Variants in CSMD1 observed in about 807,000 individuals in gnomAD.
CSMD1 encodes the protein CUB and sushi domain-containing protein 1.
A neutral mutation model predicts 417.5 loss-of-function variants in CSMD1; 213 were observed. That is an observed-to-expected ratio of 0.51 (90% confidence interval 0.46 to 0.57). The LOEUF (loss-of-function observed/expected upper bound fraction) is 0.57. Ranked by LOEUF, CSMD1 falls within the 20% of genes least tolerant of loss-of-function variation. CSMD1 has a pLI of 0.00. For missense variants in CSMD1, 6,923 were observed against 4,529.7 expected, an observed-to-expected ratio of 1.53 and a Z score of -15.17; for synonymous variants, 2,862 against 1,736.8, an observed-to-expected ratio of 1.65 and a Z score of -16.11.
At chr8:3,304,418 C>T (rs533992874) in intron 25 of CSMD1, among the ~76,000 whole-genome samples, 9 of 152,114 alleles carry the variant, frequency 5.9e-5, no homozygotes, top group Non-Finnish European at 8.8e-5. Context: ...ATATTATGTA[C>T]TTCTAATTAT....
intron 3 of CSMD1, among the ~76,000 whole-genome samples, chr8:4,336,427 C>G (rs1800176341): frequency 6.6e-6 from 1 of 152,120 alleles, no homozygotes; most frequent in Non-Finnish European, 1.5e-5. Flanking sequence ...CCTAAGGCCC[C>G]CGGTCAGTTA....
intron 1 of CSMD1, among the ~76,000 whole-genome samples, chr8:4,696,979 C>T (rs1262050331): frequency 6.6e-6 from 1 of 152,096 alleles, no homozygotes; most frequent in Non-Finnish European, 1.5e-5. Context: ...CAAGACCAGC[C>T]TGACGAACAT....
intron 2 of CSMD1, among the ~76,000 whole-genome samples, chr8:4,543,020 G>A (rs1797469458): frequency 1.3e-5 from 2 of 152,108 alleles, no homozygotes; most frequent in South Asian, 4.2e-4. Context: ...GTAGGTTTAA[G>A]GTGATGGTAA....
chr8:3,336,567 T>C (rs1025080245), intron 23 of CSMD1, among the ~76,000 whole-genome samples: 1 of 152,194 alleles, frequency 6.6e-6, no homozygotes, highest in African/African-American at 2.4e-5. Flanking sequence ...AGTAAGGAAC[T>C]AGAGGAAAGA....
intron 3 of CSMD1, among the ~76,000 whole-genome samples, chr8:4,234,028 G>A (rs1035890574): frequency 2.6e-4 from 40 of 152,106 alleles, no homozygotes; most frequent in Non-Finnish European, 5.6e-4. Context: ...ATCTGGTTAA[G>A]AGTCTACCAT....
intron 2 of CSMD1, among the ~76,000 whole-genome samples, chr8:4,628,211 G>A (rs946835826): frequency 1.3e-5 from 2 of 151,000 alleles, no homozygotes; most frequent in Non-Finnish European, 2.9e-5. Flanking sequence ...ACATTTTCTT[G>A]TAGTTCTAAA....
At chr8:4,433,827 T>G (rs1409217258) in intron 2 of CSMD1, among the ~76,000 whole-genome samples, 4 of 148,638 alleles carry the variant, frequency 2.7e-5, no homozygotes, top group Middle Eastern at 3.4e-3. Context: ...TTAATGAATC[T>G]GGAAAAAAAG....
chr8:4,867,667 G>C (rs2036539081), intron 1 of CSMD1, among the ~76,000 whole-genome samples: 1 of 152,062 alleles, frequency 6.6e-6, no homozygotes, highest in African/African-American at 2.4e-5. Context: ...TGATGGTGCT[G>C]AGAAAAGTTA....
chr8:4,295,064 AAGATTACACACATATAATC>A (rs1797584613), intron 3 of CSMD1, among the ~76,000 whole-genome samples: 1 of 93,098 alleles, frequency 1.1e-5, no homozygotes, highest in Non-Finnish European at 2.5e-5. Flanking sequence ...ATATAATCTT[AAGATTACACACATATAATC>A]TTAAGATTAC....
chr8:4,532,843 A>G (rs1179192550), intron 2 of CSMD1, among the ~76,000 whole-genome samples: 1 of 132,772 alleles, frequency 7.5e-6, no homozygotes, highest in African/African-American at 2.9e-5. Context: ...CACTCCGGAA[A>G]AGAAATGTTG....
chr8:4,692,656 T>C (rs949205395), intron 1 of CSMD1, among the ~76,000 whole-genome samples: 7 of 152,298 alleles, frequency 4.6e-5, no homozygotes, highest in African/African-American at 1.7e-4. Context: ...ACTGACCAAC[T>C]GTCCTGGTTT....
At chr8:4,810,485 G>C (rs1328218034) in intron 1 of CSMD1, among the ~76,000 whole-genome samples, 1 of 152,100 alleles carries the variant, frequency 6.6e-6, no homozygotes, top group Non-Finnish European at 1.5e-5. Context: ...CATGTTTGAT[G>C]TTATTATTTG....
chr8:4,168,597 C>T (rs1391184975), intron 3 of CSMD1, among the ~76,000 whole-genome samples: 2 of 151,940 alleles, frequency 1.3e-5, no homozygotes, highest in Admixed American at 1.3e-4. Context: ...AGGGACAAAA[C>T]GCTACCAACA....
At chr8:4,310,191 T>C (rs1798483709) in intron 3 of CSMD1, among the ~76,000 whole-genome samples, 1 of 152,192 alleles carries the variant, frequency 6.6e-6, no homozygotes, top group South Asian at 2.1e-4. Context: ...GAAACAATGG[T>C]AATCTCCTTT....
chr8:4,210,156 C>T (rs1800221741), intron 3 of CSMD1, among the ~76,000 whole-genome samples: 2 of 152,190 alleles, frequency 1.3e-5, no homozygotes, highest in Non-Finnish European at 2.9e-5. Context: ...CACTGTGTGT[C>T]AAATCTGATG....
At chr8:3,275,590 T>C (rs1470351659) in intron 26 of CSMD1, among the ~76,000 whole-genome samples, 1 of 152,240 alleles carries the variant, frequency 6.6e-6, no homozygotes, top group East Asian at 1.9e-4. Flanking sequence ...TTCAGTCTTT[T>C]CACATAGTCC....
At chr8:2,970,030 C>T (rs1018299870) in intron 57 of CSMD1, among the ~76,000 whole-genome samples, 2 of 152,040 alleles carry the variant, frequency 1.3e-5, no homozygotes, top group African/African-American at 4.8e-5. Flanking sequence ...CTTTTAAGGG[C>T]TAAGTTTCTA....
intron 3 of CSMD1, among the ~76,000 whole-genome samples, chr8:4,311,076 T>G (rs1377110830): frequency 2.6e-5 from 4 of 152,236 alleles, no homozygotes; most frequent in South Asian, 2.1e-4. Flanking sequence ...TCAACTACTG[T>G]GGAAAGCAAT....
At position 3,859,101 on chromosome 8, in the gene CSMD1, A is replaced by G. The variant is rs75933143; in HGVS notation, c.819-105059T>C. 1.2e-4 allele frequency among the ~76,000 whole-genome samples: 18 copies of G among 152,310 alleles called. No homozygotes were observed. In the East Asian group the frequency reaches 2.5e-3, roughly 21 times the overall value. ...TCATCTTCTCATCCATGCACATTCAATCAGAAGCTCTGAGTACTATGATTC... is the reference window on the plus strand; with the variant it reads ...TCATCTTCTCATCCATGCACATTCAGTCAGAAGCTCTGAGTACTATGATTC... On this transcript the variant is annotated intron_variant, in intron 5 of 69. Coordinates refer to ENST00000635120, the MANE Select transcript of CSMD1 (RefSeq NM_033225.6).
Sources: gnomAD v4.1 joint callset for allele counts (sites outside exome capture counted in the v4.1 genomes callset) on GRCh38, gnomAD v4.1.1 for gene constraint, MANE v1.5 for transcripts, NCBI Gene and HGNC (gene_info 2026-07-23, HGNC 2026-07-21) for gene names.